The following CSMD1 variants were observed in gnomAD, a reference collection of about 807,000 sequenced individuals.
CSMD1 encodes the protein CUB and Sushi multiple domains 1, also known as CUB and sushi domain-containing protein 1.
CSMD1 carries 213 observed loss-of-function variants against 417.5 expected under a neutral mutation model. That is an observed-to-expected ratio of 0.51 (90% CI 0.46 to 0.57). The LOEUF is 0.57. Ranked by LOEUF, CSMD1 falls within the 20% of genes least tolerant of loss-of-function variation. The probability of loss-of-function intolerance (pLI) is 0.00; values close to 1 mark genes in which losing one functional copy is unlikely to be tolerated. For synonymous variants in CSMD1, 2,862 were observed against 1,736.8 expected (o/e 1.65, Z -16.11); for missense variants, 6,923 against 4,529.7 (o/e 1.53, Z -15.17).
intron 3 of CSMD1, among the ~76,000 whole-genome samples, chr8:4,383,953 GA>G (rs1803273867): frequency 6.6e-6 from 1 of 152,060 alleles, no homozygotes; most frequent in Admixed American, 6.5e-5. Context: ...CTCTTTTATG[GA>G]AACAGCTCTC....
At chr8:4,152,478 A>C (rs1796618940) in intron 3 of CSMD1, among the ~76,000 whole-genome samples, 1 of 151,900 alleles carries the variant, frequency 6.6e-6, no homozygotes, top group East Asian at 1.9e-4. Flanking sequence ...AGTTTGGGCC[A>C]AGGAGTATGG....
intron 7 of CSMD1, among the ~76,000 whole-genome samples, chr8:3,632,225 C>T (rs1387583218): frequency 1.3e-5 from 2 of 152,182 alleles, no homozygotes; most frequent in Non-Finnish European, 2.9e-5. Flanking sequence ...AAAATGCAAT[C>T]ATTTCTAGGG....
At chr8:4,926,328 T>C (rs1026127098) in intron 1 of CSMD1, among the ~76,000 whole-genome samples, 2 of 152,178 alleles carry the variant, frequency 1.3e-5, no homozygotes, top group African/African-American at 4.8e-5. Context: ...ACCTATAATT[T>C]TGTGTAATAA....
intron 5 of CSMD1, among the ~76,000 whole-genome samples, chr8:3,754,633 T>C (rs541871495): frequency 6.6e-6 from 1 of 152,248 alleles, no homozygotes; most frequent in Admixed American, 6.5e-5. Flanking sequence ...TTTTATATTT[T>C]TACTAGAGAC....
intron 18 of CSMD1, among the ~76,000 whole-genome samples, chr8:3,373,060 A>G (rs7015057): frequency 0.46 from 69,309 of 152,044 alleles, 16,064 homozygotes; most frequent in Admixed American, 0.55. Context: ...CATTTTATGT[A>G]AAACTGAGAT....
chr8:3,531,595 C>G (rs1797982535), intron 10 of CSMD1, among the ~76,000 whole-genome samples: 1 of 152,096 alleles, frequency 6.6e-6, no homozygotes, highest in Non-Finnish European at 1.5e-5. Context: ...TGGTCTGGCC[C>G]CGTGGGAGGC....
At chr8:3,231,033 A>G (rs944770269) in intron 26 of CSMD1, among the ~76,000 whole-genome samples, 1 of 152,100 alleles carries the variant, frequency 6.6e-6, no homozygotes. Flanking sequence ...CACCTCCCAT[A>G]TGCAGCCATC....
chr8:3,677,410 G>A lies in CSMD1; in HGVS notation c.1009+31004C>T, dbSNP rs1799432706. On this transcript the variant is annotated intron_variant, in intron 7 of 69. Coordinates refer to ENST00000635120, the MANE Select transcript of CSMD1 (RefSeq NM_033225.6). Reference sequence around the variant, plus strand: ...AAAACATACCCAGTTCAAGGCCAATGCATGGGAAACAAACCTGATCCCACA... The same window carrying A: ...AAAACATACCCAGTTCAAGGCCAATACATGGGAAACAAACCTGATCCCACA... 2.0e-5 allele frequency among the ~76,000 whole-genome samples: 3 copies of A among 152,270 alleles called. No individual in the cohort carries two copies. The South Asian group carries it at 6.2e-4, about 32-fold the overall frequency.
At position 3,347,999 on chromosome 8, in the gene CSMD1, G is replaced by T. The variant is rs780418084; in HGVS notation, c.3467C>A (p.Thr1156Asn). The change falls in exon 22 of 70, where the codon ACT becomes AAT. Residue 1156 changes from threonine (T) to asparagine (N), a missense_variant. Physicochemically the swap from Thr to Asn is moderately conservative, Grantham distance 65 (BLOSUM62 0). Coordinates refer to ENST00000635120, the MANE Select transcript of CSMD1 (RefSeq NM_033225.6). ...GGAGAAGATTCTTTTTACCTTTAGA[G>T]TATCTCCTTCAAACAGCTGGAAGCT... ...TRSFQLFEGD[T>N]LKVYDGKDSS... The T allele has an allele frequency of 6.3e-7, 1 of 1,588,772 alleles. No homozygotes were observed. Among genetic ancestry groups the T allele is most frequent in the Non-Finnish European group, 8.6e-7 (1 of 1,168,504 alleles).
At chr8:2,941,981 G>A (rs911537414) in intron 69 of CSMD1, among the ~76,000 whole-genome samples, 1 of 152,150 alleles carries the variant, frequency 6.6e-6, no homozygotes, top group African/African-American at 2.4e-5. Context: ...TCTCAACTCA[G>A]TCATTTATTC....
chr8:4,108,715 C>T (rs960173740), intron 3 of CSMD1, among the ~76,000 whole-genome samples: 4 of 151,498 alleles, frequency 2.6e-5, no homozygotes, highest in African/African-American at 9.7e-5. Flanking sequence ...TTAAAATAAA[C>T]GAAGTGTATG....
chr8:3,265,666 G>A (rs918626990), intron 26 of CSMD1, among the ~76,000 whole-genome samples: 2 of 152,332 alleles, frequency 1.3e-5, no homozygotes, highest in South Asian at 2.1e-4. Flanking sequence ...ATGAGGTCGT[G>A]CTAGGATTTT....
intron 51 of CSMD1, among the ~76,000 whole-genome samples, chr8:3,027,745 G>C (rs959508516): frequency 2.0e-5 from 3 of 152,172 alleles, no homozygotes; most frequent in African/African-American, 7.2e-5. Flanking sequence ...AGAAACACCA[G>C]AATACAGTTG....
At chr8:3,173,751 T>A (rs1820730641) in intron 37 of CSMD1, among the ~76,000 whole-genome samples, 1 of 152,186 alleles carries the variant, frequency 6.6e-6, no homozygotes, top group Admixed American at 6.5e-5. Flanking sequence ...ATGTTTCCTG[T>A]GATGTTACTC....
intron 3 of CSMD1, among the ~76,000 whole-genome samples, chr8:4,408,049 G>A (rs1214798002): frequency 3.9e-5 from 6 of 152,036 alleles, no homozygotes; most frequent in Non-Finnish European, 7.3e-5. Flanking sequence ...CTCCCCAAAT[G>A]TAGCTTTCCA....
At chr8:3,741,931 A>G (rs1463807634) in intron 6 of CSMD1, among the ~76,000 whole-genome samples, 1 of 150,342 alleles carries the variant, frequency 6.7e-6, no homozygotes, top group African/African-American at 2.5e-5. Context: ...TTTCATAATT[A>G]TTTCCCACAA....
At chr8:4,290,854 T>A (rs942814315) in intron 3 of CSMD1, among the ~76,000 whole-genome samples, 1 of 152,202 alleles carries the variant, frequency 6.6e-6, no homozygotes, top group Non-Finnish European at 1.5e-5. Flanking sequence ...AAAATATCCA[T>A]CTGTTTCTTG....
chr8:4,219,913 G>A (rs1800924892), intron 3 of CSMD1, among the ~76,000 whole-genome samples: 1 of 152,154 alleles, frequency 6.6e-6, no homozygotes, highest in Admixed American at 6.5e-5. Context: ...CTTGTAATAT[G>A]ATGGAGAGAA....
intron 1 of CSMD1, chr8:4,787,190 G>C (rs1435301841): frequency 2.3e-6 from 1 of 430,670 alleles, no homozygotes; most frequent in African/African-American, 2.0e-5. Flanking sequence ...AAAGAGTGGC[G>C]CAGGGTCGCG....
Sources: gnomAD v4.1 joint callset for allele counts (sites outside exome capture counted in the v4.1 genomes callset) on GRCh38, gnomAD v4.1.1 for gene constraint, MANE v1.5 for transcripts, NCBI Gene and HGNC (gene_info 2026-07-23, HGNC 2026-07-21) for gene names.